The following ZNF169 variants were observed in gnomAD, a reference collection of about 807,000 sequenced individuals.
The protein encoded by ZNF169 is zinc finger protein 169.
ZNF169 carries 11 observed loss-of-function variants against 12.0 expected under a neutral mutation model. That is an observed-to-expected ratio of 0.92 (90% CI 0.58 to 1.52). ZNF169 has a LOEUF of 1.52. ZNF169 is among the 40% of genes most tolerant of loss of function. ZNF169 has a pLI of 0.00. For synonymous variants in ZNF169, 302 were observed against 286.5 expected, an observed-to-expected ratio of 1.05 and a Z score of -0.55; for missense variants, 722 against 744.0, an observed-to-expected ratio of 0.97 and a Z score of 0.34.
At chr9:94,282,166 C>T (rs572165769) in intron 2 of ZNF169, among the ~76,000 whole-genome samples, 15 of 152,014 alleles carry the variant, frequency 9.9e-5, no homozygotes, top group South Asian at 2.1e-4. Context: ...AAGTAAGCCA[C>T]GATATATAGG....
At chr9:94,282,869 A>G (rs1293392205) in intron 2 of ZNF169, among the ~76,000 whole-genome samples, 2 of 152,168 alleles carry the variant, frequency 1.3e-5, no homozygotes, top group Non-Finnish European at 2.9e-5. Context: ...TATAATTCAC[A>G]TACCATACAA....
chr9:94,285,898 C>A (rs1188327153), intron 2 of ZNF169, among the ~76,000 whole-genome samples: 1 of 152,028 alleles, frequency 6.6e-6, no homozygotes, highest in Non-Finnish European at 1.5e-5. Context: ...GTAATCCCAG[C>A]TGCTCAGGAG....
intron 1 of ZNF169, among the ~76,000 whole-genome samples, chr9:94,274,858 C>T (rs1830493799): frequency 6.6e-6 from 1 of 152,202 alleles, no homozygotes; most frequent in Admixed American, 6.5e-5. Context: ...TGTTTACCTT[C>T]AAGATCGTGT....
At chr9:94,269,023 G>T (rs930538077) in intron 1 of ZNF169, among the ~76,000 whole-genome samples, 4 of 151,766 alleles carry the variant, frequency 2.6e-5, no homozygotes, top group Non-Finnish European at 5.9e-5. Flanking sequence ...ACACATCTTG[G>T]ATGTTAGCTT....
chr9:94,288,901 G>T (rs957879867), intron 2 of ZNF169, among the ~76,000 whole-genome samples: 1 of 152,088 alleles, frequency 6.6e-6, no homozygotes, highest in African/African-American at 2.4e-5. Flanking sequence ...AAGAAAAGAA[G>T]AACATGGTAA....
intron 2 of ZNF169, chr9:94,288,098 A>C: frequency 1.2e-6 from 1 of 805,896 alleles, no homozygotes; most frequent in Non-Finnish European, 2.2e-6. Flanking sequence ...TCTGGTAGCT[A>C]GCCAGCCAGC....
At chr9:94,291,461 C>G (rs372465166) in intron 2 of ZNF169, among the ~76,000 whole-genome samples, 1 of 152,092 alleles carries the variant, frequency 6.6e-6, no homozygotes, top group African/African-American at 2.4e-5. Context: ...GCTGGAAGTT[C>G]TAACCACAGC....
At chr9:94,297,946 C>T (rs1830984058) in intron 4 of ZNF169, among the ~76,000 whole-genome samples, 1 of 152,080 alleles carries the variant, frequency 6.6e-6, no homozygotes, top group Non-Finnish European at 1.5e-5. Flanking sequence ...GCAGGCGAAT[C>T]ACTTGAGGTC....
intron 1 of ZNF169, among the ~76,000 whole-genome samples, chr9:94,273,618 C>T (rs1333622512): frequency 1.6e-5 from 2 of 126,822 alleles, no homozygotes. Context: ...CTTGCTCTGT[C>T]GCCCAGGCTG....
At position 94,300,457 on chromosome 9, in the gene ZNF169, G is replaced by T. The variant is rs200950909; in HGVS notation, c.899G>T (p.Arg300Met). ...TGCAGGGAATGTGGGCGACACTTCA[G>T]GTATACATCCTCTCTCACTAATCAC... is the stretch of plus-strand genomic sequence containing the variant. ...YVCRECGRHFRYTSSLTNHKR... is the reference protein window; with the variant it reads ...YVCRECGRHFMYTSSLTNHKR... The change falls in exon 5 of 5, where the codon AGG becomes ATG. Residue 300 changes from arginine (R) to methionine (M), a missense_variant. Arg to Met is a moderately conservative substitution (Grantham distance 91). Transcript: ENST00000395395. The T allele has an allele frequency of 1.9e-6, 3 of 1,614,164 alleles. No homozygotes were observed. The highest frequency in any genetic ancestry group is 2.5e-6 in the Non-Finnish European group (3 of 1,180,036).
chr9:94,286,897 C>A (rs974828295), intron 2 of ZNF169, among the ~76,000 whole-genome samples: 12 of 152,154 alleles, frequency 7.9e-5, no homozygotes, highest in Non-Finnish European at 1.8e-4. Flanking sequence ...CCCTGCAGAC[C>A]TTTTGGCGTA....
intron 1 of ZNF169, among the ~76,000 whole-genome samples, chr9:94,270,827 T>C (rs1330030688): frequency 2.3e-5 from 1 of 42,592 alleles, no homozygotes; most frequent in African/African-American, 8.9e-5. Flanking sequence ...TAAATATATA[T>C]AAAATATATA....
chr9:94,300,398 C>T lies in ZNF169; in HGVS notation c.840C>T (p.His280=). 2 of 1,613,768 alleles carry T rather than the reference C, an allele frequency of 1.2e-6. No homozygotes were observed. The highest frequency in any genetic ancestry group is 1.7e-6 in the Non-Finnish European group (2 of 1,179,928). ...RFSQKASLSI[H]QRKHSGEKPY... ...GCCAGAAGGCCTCCCTCTCCATACA[C>T]CAGAGGAAGCACTCGGGGGAGAAGC... is the stretch of plus-strand genomic sequence containing the variant. Residue 280 remains histidine, a synonymous_variant, in exon 5 of 5, where the codon CAC becomes CAT. Coordinates refer to ENST00000395395, the MANE Select transcript of ZNF169 (RefSeq NM_194320.4).
At chr9:94,271,129 A>G (rs1278912067) in intron 1 of ZNF169, among the ~76,000 whole-genome samples, 3 of 146,974 alleles carry the variant, frequency 2.0e-5, no homozygotes. Flanking sequence ...ACAGGATCTC[A>G]CTCTTGCCTA....
At chr9:94,279,652 GGA>G (rs1302624763) in intron 2 of ZNF169, among the ~76,000 whole-genome samples, 1 of 151,518 alleles carries the variant, frequency 6.6e-6, no homozygotes, top group Non-Finnish European at 1.5e-5. Context: ...AAAAAAAAAA[GGA>G]AAGAAAATGG....
intron 1 of ZNF169, among the ~76,000 whole-genome samples, chr9:94,269,453 TGAAACA>T (rs1830353484): frequency 6.6e-6 from 1 of 152,164 alleles, no homozygotes; most frequent in South Asian, 2.1e-4. Flanking sequence ...TGCGCATGCA[TGAAACA>T]GCCCTCTGGA....
At chr9:94,274,807 G>A (rs1830492885) in intron 1 of ZNF169, among the ~76,000 whole-genome samples, 1 of 152,168 alleles carries the variant, frequency 6.6e-6, no homozygotes, top group Non-Finnish European at 1.5e-5. Context: ...TTCAGAAAGG[G>A]CAAAATCATC....
chr9:94,264,591 G>A (rs1372841918), intron 1 of ZNF169, among the ~76,000 whole-genome samples: 1 of 152,168 alleles, frequency 6.6e-6, no homozygotes. Context: ...TACAGGGCAG[G>A]TCTGCTGACG....
chr9:94,278,212 T>C (rs1830559544), intron 1 of ZNF169, among the ~76,000 whole-genome samples: 2 of 152,212 alleles, frequency 1.3e-5, no homozygotes, highest in African/African-American at 2.4e-5. Context: ...GACTGCCTGT[T>C]CCTAAATTCC....
Sources: allele counts gnomAD v4.1 joint callset (sites outside exome capture counted in the v4.1 genomes callset), GRCh38; gene constraint gnomAD v4.1.1; transcripts MANE v1.5; gene names NCBI Gene and HGNC (gene_info 2026-07-23, HGNC 2026-07-21).